PRH1: variants seen among roughly 807,000 people sequenced by gnomAD.
PRH1 encodes proline rich protein HaeIII subfamily 1, also known as salivary acidic proline-rich phosphoprotein 1/2.
A neutral mutation model predicts 7.9 loss-of-function variants in PRH1; 7 were observed. The ratio of observed to expected loss-of-function variants is 0.89; its 90% CI spans 0.50 to 1.67. The LOEUF (loss-of-function observed/expected upper bound fraction) is 1.67, where lower values mean the gene tolerates loss of function less well. PRH1 is among the 40% of genes most tolerant of loss of function. PRH1 has a pLI of 0.00. For synonymous variants in PRH1, 45 were observed against 80.8 expected, an observed-to-expected ratio of 0.56 and a Z score of 2.38; for missense variants, 109 against 223.6, an observed-to-expected ratio of 0.49 and a Z score of 3.27.
intron 1 of PRH1, among the ~76,000 whole-genome samples, chr12:11,151,612 T>C (rs1048524660): frequency 1.3e-5 from 2 of 152,208 alleles, no homozygotes; most frequent in Non-Finnish European, 2.9e-5. Flanking sequence ...CCTGCTTCCA[T>C]GGTAATGCAG....
At chr12:11,147,511 T>C (rs1234576300) in intron 1 of PRH1, among the ~76,000 whole-genome samples, 4 of 152,194 alleles carry the variant, frequency 2.6e-5, no homozygotes, top group Non-Finnish European at 5.9e-5. Context: ...AATTTACATA[T>C]TGTAATTTAC....
intron 1 of PRH1, chr12:11,005,807 A>G (rs902296379): frequency 6.6e-6 from 1 of 152,086 alleles, no homozygotes; most frequent in Non-Finnish European, 1.5e-5. Flanking sequence ...AAGCTTTTGA[A>G]TAAGTTATTC....
intron 2 of PRH1, among the ~76,000 whole-genome samples, chr12:10,913,275 G>A (rs1231012862): frequency 6.6e-6 from 1 of 152,124 alleles, no homozygotes; most frequent in Non-Finnish European, 1.5e-5. Flanking sequence ...AACACATGGT[G>A]AAACCAAGTC....
intron 2 of PRH1, chr12:10,973,588 T>TA (rs780313726): frequency 1.7e-5 from 13 of 743,616 alleles, no homozygotes; most frequent in Non-Finnish European, 2.7e-5. Flanking sequence ...ACCTGTCTGA[T>TA]ACAGGCAGAA....
chr12:10,940,182 T>C (rs1241705145), intron 2 of PRH1, among the ~76,000 whole-genome samples: 1 of 152,168 alleles, frequency 6.6e-6, no homozygotes, highest in Non-Finnish European at 1.5e-5. Flanking sequence ...TTCTATTATT[T>C]TACTTTTTAC....
chr12:10,897,431 T>TAG (rs1949663648), intron 2 of PRH1, among the ~76,000 whole-genome samples: 1 of 152,210 alleles, frequency 6.6e-6, no homozygotes, highest in Non-Finnish European at 1.5e-5. Context: ...GCTAAAGGCT[T>TAG]AGACATTCTG....
intron 1 of PRH1, among the ~76,000 whole-genome samples, chr12:11,065,145 G>T (rs1300458627): frequency 6.6e-6 from 1 of 152,068 alleles, no homozygotes; most frequent in Non-Finnish European, 1.5e-5. Context: ...TGCACTGAAG[G>T]CATGATTCCA....
At chr12:10,996,815 AC>A in intron 1 of PRH1, 1 of 697,478 alleles carries the variant, frequency 1.4e-6, no homozygotes, top group East Asian at 2.9e-5. Flanking sequence ...TAGGTAAAAG[AC>A]TTTTCTATGT....
chr12:11,072,854 G>GCTCA (rs2136212613), intron 1 of PRH1, among the ~76,000 whole-genome samples: 1 of 119,314 alleles, frequency 8.4e-6, no homozygotes, highest in South Asian at 2.3e-4. Context: ...GAACGAAAGT[G>GCTCA]CTGCTTCACT....
intron 1 of PRH1, among the ~76,000 whole-genome samples, chr12:11,158,612 G>A (rs558934116): frequency 2.0e-5 from 3 of 151,950 alleles, no homozygotes; most frequent in South Asian, 2.1e-4. Flanking sequence ...CATTATGTCC[G>A]GCAACTTTGA....
At chr12:11,084,301 T>C (rs1944608043) in intron 1 of PRH1, among the ~76,000 whole-genome samples, 1 of 136,166 alleles carries the variant, frequency 7.3e-6, no homozygotes, top group Admixed American at 7.3e-5. Flanking sequence ...TCTGAGCACT[T>C]GCTTCCAACA....
chr12:11,128,673 A>T (rs1234370603), intron 1 of PRH1, among the ~76,000 whole-genome samples: 1 of 152,156 alleles, frequency 6.6e-6, no homozygotes, highest in Non-Finnish European at 1.5e-5. Context: ...TGAACCCAGA[A>T]GGCAGAGGTT....
chr12:10,961,835 G>A (rs192669495), intron 2 of PRH1, among the ~76,000 whole-genome samples: 3 of 152,310 alleles, frequency 2.0e-5, no homozygotes, highest in Admixed American at 2.0e-4. Context: ...TGCTGGCTGT[G>A]GTATTCCCCT....
intron 1 of PRH1, among the ~76,000 whole-genome samples, chr12:11,060,491 A>C (rs1420008420): frequency 1.3e-5 from 2 of 152,084 alleles, no homozygotes; most frequent in Non-Finnish European, 2.9e-5. Flanking sequence ...AGTGCTTTAG[A>C]AAAAAATACT....
rs1401099865 is a variant in PRH1, at chr12:11,038,830, CG to C, written c.-126+8189del. On this transcript the variant is annotated intron_variant, in intron 1 of 3. Transcript: ENST00000539853. ...CATCTTAATCAGATAATGCCATACT[CG>C]GCCGAAATGATGTCACAGATTTATA... Among the ~76,000 whole-genome samples the C allele has an allele frequency of 4.7e-5, 7 of 150,210 alleles. No homozygotes were observed. The Admixed American group carries it at 4.7e-4, about 10-fold the overall frequency.
chr12:10,922,991 G>T (rs962845742), intron 2 of PRH1, among the ~76,000 whole-genome samples: 3 of 149,706 alleles, frequency 2.0e-5, no homozygotes, highest in Admixed American at 6.7e-5. Context: ...ACCGCGCCCG[G>T]CTAATTTTTT....
At chr12:10,972,928 A>ATCCCCCCCCC (rs1555119295) in intron 2 of PRH1, among the ~76,000 whole-genome samples, 10 of 100,322 alleles carry the variant, frequency 1.0e-4, no homozygotes, top group African/African-American at 3.4e-4. Flanking sequence ...AAGCACCACA[A>ATCCCCCCCCC]CCCACCCCCC....
chr12:11,144,423 G>C (rs1946804245), intron 1 of PRH1, among the ~76,000 whole-genome samples: 1 of 152,074 alleles, frequency 6.6e-6, no homozygotes, highest in Non-Finnish European at 1.5e-5. Flanking sequence ...TGAAGGGCTG[G>C]TCTCACTCCC....
At chr12:11,035,596 C>A (rs1234537309) in intron 1 of PRH1, among the ~76,000 whole-genome samples, 1 of 152,068 alleles carries the variant, frequency 6.6e-6, no homozygotes, top group Middle Eastern at 3.4e-3. Context: ...TTTAGTATAC[C>A]TGACATGAAA....
Sources: allele counts gnomAD v4.1 joint callset (sites outside exome capture counted in the v4.1 genomes callset), GRCh38; gene constraint gnomAD v4.1.1; transcripts MANE v1.5; gene names NCBI Gene and HGNC (gene_info 2026-07-23, HGNC 2026-07-21).